The following SLIT3 variants were observed in gnomAD, a reference collection of about 807,000 sequenced individuals.
SLIT3 encodes slit guidance ligand 3.
A neutral mutation model predicts 184.0 loss-of-function variants in SLIT3; 68 were observed. The observed-to-expected ratio is 0.37, with a 90% CI of 0.30 to 0.45. The LOEUF (loss-of-function observed/expected upper bound fraction) is 0.45. Among genes scored for constraint, SLIT3 ranks in the 20% least tolerant of loss-of-function variants. The pLI is 1.00. For missense variants in SLIT3, 1,707 were observed against 2,026.0 expected (o/e 0.84, Z 3.02); for synonymous variants, 831 against 828.6 (o/e 1.00, Z -0.05).
At chr5:168,963,236 A>G (rs1471890678) in intron 4 of SLIT3, among the ~76,000 whole-genome samples, 1 of 152,044 alleles carries the variant, frequency 6.6e-6, no homozygotes, top group Non-Finnish European at 1.5e-5. Flanking sequence ...CAATGGTGCA[A>G]TCCTGGCCTA....
intron 4 of SLIT3, among the ~76,000 whole-genome samples, chr5:168,944,099 T>C (rs1762406356): frequency 6.6e-6 from 1 of 152,136 alleles, no homozygotes; most frequent in Admixed American, 6.5e-5. Flanking sequence ...TTAATCCAGT[T>C]AGAACTCCCT....
intron 4 of SLIT3, among the ~76,000 whole-genome samples, chr5:168,940,079 T>C (rs1264162742): frequency 6.6e-6 from 1 of 151,986 alleles, no homozygotes; most frequent in African/African-American, 2.4e-5. Flanking sequence ...AAAAGATAAA[T>C]AAAACTGTCA....
chr5:169,021,640 C>T (rs1561612671), intron 4 of SLIT3, among the ~76,000 whole-genome samples: 2 of 152,142 alleles, frequency 1.3e-5, no homozygotes, highest in African/African-American at 2.4e-5. Flanking sequence ...CATGAGCTAC[C>T]GTGCCCAGCC....
At chr5:169,068,754 C>T (rs960843841) in intron 4 of SLIT3, among the ~76,000 whole-genome samples, 1 of 152,046 alleles carries the variant, frequency 6.6e-6, no homozygotes, top group Non-Finnish European at 1.5e-5. Flanking sequence ...CACAACACAA[C>T]CCACCCAGCT....
chr5:169,163,536 G>A (rs1041544877), intron 4 of SLIT3, among the ~76,000 whole-genome samples: 1 of 152,064 alleles, frequency 6.6e-6, no homozygotes, highest in African/African-American at 2.4e-5. Context: ...ACATCATAGC[G>A]GCTCCCTTTT....
Position 169,239,546 on chromosome 5 carries a change from A to G in SLIT3, c.341+5159T>C, listed in dbSNP as rs1765321984. 1.3e-5 allele frequency among the ~76,000 whole-genome samples: 2 copies of G among 151,898 alleles called. 1 individual carries two copies. Among genetic ancestry groups the G allele is most frequent in the Non-Finnish European group, 2.9e-5 (2 of 67,926 alleles). On this transcript the variant is annotated intron_variant, in intron 3 of 35. Transcript: ENST00000519560. The stretch of plus-strand genomic sequence containing the variant: ...CCTGTTTCTATTTTCAATTTCATTT[A>G]CTCTTTAAAATCATTAAGATAAACT...
rs201209304 is a variant in SLIT3 at position 169,049,987 on chromosome 5, AT to A, written c.413+143491del. Among the ~76,000 whole-genome samples the A allele has an allele frequency of 4.6e-5, 7 of 151,870 alleles. No homozygotes were observed. The South Asian group carries it at 6.3e-4, about 14-fold the overall frequency. On this transcript the variant is annotated intron_variant, in intron 4 of 35. Coordinates refer to ENST00000519560, the MANE Select transcript of SLIT3 (RefSeq NM_003062.4). ...GTTTCTGGGTATAGTTGAGCCATCTATTTTTTTTCCTGGCTGCTTCCCCTCC... is the reference window on the plus strand; with the variant it reads ...GTTTCTGGGTATAGTTGAGCCATCTATTTTTTTCCTGGCTGCTTCCCCTCC...
At chr5:169,131,305 G>A (rs1761287082) in intron 4 of SLIT3, among the ~76,000 whole-genome samples, 1 of 152,198 alleles carries the variant, frequency 6.6e-6, no homozygotes, top group Non-Finnish European at 1.5e-5. Context: ...AGTACCTGGA[G>A]CAGCATCAAT....
intron 5 of SLIT3, among the ~76,000 whole-genome samples, chr5:168,856,051 G>T (rs927040789): frequency 6.6e-6 from 1 of 152,176 alleles, no homozygotes; most frequent in Non-Finnish European, 1.5e-5. Context: ...AGAGGTTGCA[G>T]TTAGCCAAGA....
chr5:169,156,512 G>A (rs1452770033), intron 4 of SLIT3, among the ~76,000 whole-genome samples: 1 of 152,232 alleles, frequency 6.6e-6, no homozygotes, highest in Non-Finnish European at 1.5e-5. Flanking sequence ...GTGGAGATGG[G>A]AAGGCACATC....
rs1364164424 is a variant in SLIT3, at chr5:168,762,705, G to T, written c.1460-16C>A. The T allele has an allele frequency of 3.0e-5, 49 of 1,610,896 alleles. No individual in the cohort carries two copies. The highest frequency in any genetic ancestry group is 4.2e-5 in the Non-Finnish European group (49 of 1,178,082). On this transcript the variant is annotated splice_polypyrimidine_tract_variant and intron_variant, in intron 14 of 35. Transcript: ENST00000519560. The stretch of plus-strand genomic sequence containing the variant: ...TCCTCGGAGCCTGGGAGGGGCCAAA[G>T]AGGGGACGTCAGCGTCACCCGAGTT...
At chr5:169,080,965 G>A (rs60025750) in intron 4 of SLIT3, among the ~76,000 whole-genome samples, 7,781 of 152,240 alleles carry the variant, frequency 0.051, 590 homozygotes, top group East Asian at 0.23. Flanking sequence ...AAGCCAACAG[G>A]ATAACCCCTG....
chr5:169,087,637 A>G (rs949961935), intron 4 of SLIT3, among the ~76,000 whole-genome samples: 2 of 152,246 alleles, frequency 1.3e-5, no homozygotes, highest in Admixed American at 6.5e-5. Flanking sequence ...AAAGCTTTTA[A>G]TAATATGGCA....
chr5:169,204,896 TGTAA>T (rs1764019156), intron 3 of SLIT3, among the ~76,000 whole-genome samples: 2 of 152,180 alleles, frequency 1.3e-5, no homozygotes, highest in Admixed American at 6.5e-5. Flanking sequence ...GGTCATGAGC[TGTAA>T]GTGAGATTCG....
intron 6 of SLIT3, among the ~76,000 whole-genome samples, chr5:168,844,118 A>G (rs1330043118): frequency 6.6e-6 from 1 of 152,004 alleles, no homozygotes; most frequent in Non-Finnish European, 1.5e-5. Flanking sequence ...CCCTGTGCCA[A>G]GGTCCCTTTC....
intron 5 of SLIT3, among the ~76,000 whole-genome samples, chr5:168,860,348 A>G (rs921078536): frequency 6.6e-6 from 1 of 152,156 alleles, no homozygotes; most frequent in Non-Finnish European, 1.5e-5. Context: ...TTGTATCTTT[A>G]AGTCTGAAAT....
At chr5:169,197,699 C>T (rs141303270) in intron 3 of SLIT3, among the ~76,000 whole-genome samples, 100 of 152,240 alleles carry the variant, frequency 6.6e-4, no homozygotes, top group Non-Finnish European at 1.1e-3. Context: ...AGGAAGTCAG[C>T]AAATGAGATG....
intron 20 of SLIT3, among the ~76,000 whole-genome samples, chr5:168,730,839 ACC>A (rs899482930): frequency 4.0e-5 from 6 of 151,890 alleles, no homozygotes; most frequent in African/African-American, 1.5e-4. Context: ...GAACAAAACA[ACC>A]CCAAAGTTAG....
intron 4 of SLIT3, among the ~76,000 whole-genome samples, chr5:169,129,229 T>C (rs901412180): frequency 7.2e-5 from 11 of 152,070 alleles, no homozygotes; most frequent in Admixed American, 6.5e-4. Flanking sequence ...GGCAATCAAA[T>C]CCAAACTCTC....
Sources: allele counts gnomAD v4.1 joint callset (sites outside exome capture counted in the v4.1 genomes callset), GRCh38; gene constraint gnomAD v4.1.1; transcripts MANE v1.5; gene names NCBI Gene and HGNC (gene_info 2026-07-23, HGNC 2026-07-21).